The following ARPP21 variants were observed in gnomAD, a reference collection of about 807,000 sequenced individuals.
The protein encoded by ARPP21 is cAMP-regulated phosphoprotein 21.
ARPP21 carries 69 observed loss-of-function variants against 113.2 expected under a neutral mutation model. The ratio of observed to expected loss-of-function variants is 0.61; its 90% CI spans 0.50 to 0.74. ARPP21 has a LOEUF of 0.74. Among genes scored for constraint, ARPP21 ranks in the 30% least tolerant of loss-of-function variants. The probability of loss-of-function intolerance (pLI) is 0.00; values close to 1 mark genes in which losing one functional copy is unlikely to be tolerated. For synonymous variants in ARPP21, 368 were observed against 375.5 expected (o/e 0.98, Z 0.23); for missense variants, 1,070 against 1,037.4 (o/e 1.03, Z -0.43).
chr3:35,750,720 T>A (rs1276052702), intron 19 of ARPP21, among the ~76,000 whole-genome samples: 1 of 152,176 alleles, frequency 6.6e-6, no homozygotes, highest in East Asian at 1.9e-4. Context: ...AAGGCAAAAG[T>A]TGCCTCCAGT....
intron 16 of ARPP21, among the ~76,000 whole-genome samples, 156 bp downstream of exon 16, chr3:35,737,518 T>C (rs1319165389): frequency 6.6e-6 from 1 of 152,240 alleles, no homozygotes; most frequent in African/African-American, 2.4e-5. Context: ...ATTGACAGGA[T>C]TTTATCTGAA....
chr3:35,786,000 G>A (rs1028807472), intron 19 of ARPP21, among the ~76,000 whole-genome samples: 1 of 152,010 alleles, frequency 6.6e-6, no homozygotes. Flanking sequence ...AGACATTTAC[G>A]TCAAAGATGA....
chr3:35,686,695 AT>A (rs1337354962), intron 5 of ARPP21, among the ~76,000 whole-genome samples: 1 of 151,608 alleles, frequency 6.6e-6, no homozygotes, highest in Non-Finnish European at 1.5e-5. Flanking sequence ...ATAAATTTTA[AT>A]GTCACTAGTG....
intron 10 of ARPP21, 64 bp downstream of exon 10, chr3:35,707,146 A>C: frequency 8.0e-7 from 1 of 1,253,530 alleles, no homozygotes; most frequent in Non-Finnish European, 1.2e-6. Context: ...ACTGATGTTC[A>C]TGTCGTCCCT....
chr3:35,738,542 T>C (rs2094490183), intron 17 of ARPP21, among the ~76,000 whole-genome samples: 1 of 152,156 alleles, frequency 6.6e-6, no homozygotes, highest in South Asian at 2.1e-4. Context: ...TGTGGTCTGT[T>C]ACCCTTTTCA....
At chr3:35,676,510 A>G (rs2077532333) in intron 1 of ARPP21, among the ~76,000 whole-genome samples, 1 of 68,812 alleles carries the variant, frequency 1.5e-5, no homozygotes, top group African/African-American at 5.3e-5. Context: ...TTCCAATAAA[A>G]TGGTTCTCTG....
chr3:35,682,099 T>C (rs2079080840), intron 3 of ARPP21, among the ~76,000 whole-genome samples: 1 of 151,874 alleles, frequency 6.6e-6, no homozygotes, highest in African/African-American at 2.4e-5. Flanking sequence ...GGAAAGTATT[T>C]ATTTTCTGAA....
At chr3:35,663,160 A>G (rs1373929977) in intron 1 of ARPP21, among the ~76,000 whole-genome samples, 1 of 152,176 alleles carries the variant, frequency 6.6e-6, no homozygotes, top group Non-Finnish European at 1.5e-5. Context: ...AAATAACAAC[A>G]GAAACTTCAT....
At chr3:35,775,031 G>A (rs2096314135) in intron 19 of ARPP21, 1 of 152,072 alleles carries the variant, frequency 6.6e-6, no homozygotes, top group South Asian at 2.1e-4. Flanking sequence ...AGTAAAATAT[G>A]TCAATTTAAA....
intron 1 of ARPP21, among the ~76,000 whole-genome samples, chr3:35,655,198 T>C (rs1305040039): frequency 2.0e-5 from 3 of 151,994 alleles, no homozygotes; most frequent in African/African-American, 7.2e-5. Context: ...TCTGCAGAGA[T>C]AACAGAAAAT....
chr3:35,749,342 C>T (rs1200074976), intron 19 of ARPP21, among the ~76,000 whole-genome samples: 1 of 147,436 alleles, frequency 6.8e-6, no homozygotes, highest in Admixed American at 6.8e-5. Context: ...AAATGGTTTC[C>T]AACTCCAAAT....
intron 14 of ARPP21, among the ~76,000 whole-genome samples, chr3:35,725,588 C>T (rs2093466651): frequency 6.6e-6 from 1 of 152,182 alleles, no homozygotes; most frequent in Non-Finnish European, 1.5e-5. Context: ...AGTATCCTTC[C>T]TCCCTGGGAA....
At chr3:35,749,234 A>G (rs2095308684) in intron 19 of ARPP21, among the ~76,000 whole-genome samples, 1 of 152,144 alleles carries the variant, frequency 6.6e-6, no homozygotes, top group South Asian at 2.1e-4. Context: ...ATCACTTTGT[A>G]GAGATGATCA....
intron 19 of ARPP21, 75 bp downstream of exon 19, chr3:35,744,040 G>A: frequency 6.6e-7 from 1 of 1,516,060 alleles, no homozygotes; most frequent in Non-Finnish European, 9.1e-7. Flanking sequence ...CTTTGGATGA[G>A]TGTCCAAGCT....
At chr3:35,645,896 T>C (rs931645809) in intron 1 of ARPP21, among the ~76,000 whole-genome samples, 9 of 151,998 alleles carry the variant, frequency 5.9e-5, no homozygotes, top group African/African-American at 1.9e-4. Context: ...TGTTGATATA[T>C]TTTGGTCTAG....
At chr3:35,772,526 C>T (rs964440865) in intron 19 of ARPP21, among the ~76,000 whole-genome samples, 5 of 152,218 alleles carry the variant, frequency 3.3e-5, no homozygotes, top group African/African-American at 1.2e-4. Context: ...TAGTCCAGCA[C>T]TCCAGCACTC....
At chr3:35,702,210 G>A (rs527640548) in intron 9 of ARPP21, among the ~76,000 whole-genome samples, 1 of 151,656 alleles carries the variant, frequency 6.6e-6, no homozygotes, top group Non-Finnish European at 1.5e-5. Flanking sequence ...GCATATTTAT[G>A]TTTGTATTAA....
chr3:35,646,730 T>C (rs1373605901), intron 1 of ARPP21, among the ~76,000 whole-genome samples: 1 of 151,998 alleles, frequency 6.6e-6, no homozygotes, highest in Admixed American at 6.5e-5. Context: ...GACTACTTCA[T>C]ATATCTGGCC....
Position 35,721,844 on chromosome 3 carries a change from A to T in ARPP21, c.1225+10A>T. The T allele has an allele frequency of 1.9e-6, 3 of 1,557,586 alleles. No individual in the cohort carries two copies. The highest frequency in any genetic ancestry group is 2.6e-6 in the Non-Finnish European group (3 of 1,142,578). On this transcript the variant is annotated intron_variant, in intron 14 of 20. Coordinates refer to ENST00000684406, the MANE Select transcript of ARPP21 (RefSeq NM_001385562.1). Reference sequence around the variant, plus strand: ...AAGCTGTCCAAAGCAGGTAGTTAGTACTGAATGTGTTTATGTCCTGTGGTA... The same window carrying T: ...AAGCTGTCCAAAGCAGGTAGTTAGTTCTGAATGTGTTTATGTCCTGTGGTA...
Sources: allele counts gnomAD v4.1 joint callset (sites outside exome capture counted in the v4.1 genomes callset), GRCh38; gene constraint gnomAD v4.1.1; transcripts MANE v1.5; gene names NCBI Gene and HGNC (gene_info 2026-07-23, HGNC 2026-07-21).